BEND2: variants seen among roughly 807,000 people sequenced by gnomAD.
BEND2 encodes the protein BEN domain containing 2, also known as BEN domain-containing protein 2.
In BEND2, 19 loss-of-function variants were observed where a neutral mutation model predicts 43.8. The ratio of observed to expected loss-of-function variants is 0.43; its 90% CI spans 0.30 to 0.64. BEND2 has a LOEUF of 0.64. Among genes scored for constraint, BEND2 ranks in the 30% least tolerant of loss-of-function variants. The pLI, the probability that BEND2 is intolerant of heterozygous loss-of-function variation, is 0.11. For missense variants in BEND2, 544 were observed against 574.0 expected (o/e 0.95, Z 0.53); for synonymous variants, 226 against 210.1 (o/e 1.08, Z -0.66).
At chrX:18,193,471 C>T (rs1206559652) in intron 7 of BEND2, among the ~76,000 whole-genome samples, 1 of 111,632 alleles carries the variant, frequency 9.0e-6, no homozygotes, top group Non-Finnish European at 1.9e-5. Context: ...TGCACACAAA[C>T]AAATTAATAC....
chrX:18,198,245 T>A (rs1343579114), intron 6 of BEND2, among the ~76,000 whole-genome samples: 5 of 110,151 alleles, frequency 4.5e-5, no homozygotes, highest in African/African-American at 1.7e-4. Flanking sequence ...CAAAAGAAAC[T>A]ACCATCAGAG....
chrX:18,192,268 A>G (rs758593811), intron 7 of BEND2, among the ~76,000 whole-genome samples: 2 of 112,247 alleles, frequency 1.8e-5, no homozygotes, highest in East Asian at 5.6e-4. Flanking sequence ...TTCTATTATC[A>G]GGCAAAAGTA....
chrX:18,175,882 A>G, intron 11 of BEND2, 90 bp downstream of exon 11: 1 of 890,529 alleles, frequency 1.1e-6, no homozygotes, highest in East Asian at 3.6e-5. Context: ...ACATGGCCTA[A>G]AGAGACTGTG....
intron 4 of BEND2, 122 bp downstream of exon 4, chrX:18,212,443 A>T: frequency 2.0e-6 from 1 of 502,952 alleles, no homozygotes; most frequent in South Asian, 3.3e-5. Flanking sequence ...CACATTTATC[A>T]AAACTCACTG....
At chrX:18,220,477 C>T (rs1359221116) in intron 1 of BEND2, among the ~76,000 whole-genome samples, 1 of 111,374 alleles carries the variant, frequency 9.0e-6, no homozygotes, top group Non-Finnish European at 1.9e-5. Flanking sequence ...CTCACGTCTC[C>T]GGGACATCTT....
chrX:18,186,415 G>A (rs977623324), intron 8 of BEND2, among the ~76,000 whole-genome samples: 10 of 100,690 alleles, frequency 9.9e-5, no homozygotes, highest in Non-Finnish European at 1.2e-4. Context: ...CCGAGATTGC[G>A]CCATTGCACT....
rs1223436278 is a variant in BEND2, at chrX:18,201,935, G to T, written c.913C>A (p.Pro305Thr). ...SFCFHPNLEMPERPANSSKNS... is the reference protein window; with the variant it reads ...SFCFHPNLEMTERPANSSKNS... Reference sequence around the variant, plus strand: ...TTACTGCTGTTTGCTGGTCTTTCTGGCATTTCTGTAAATAAAAAGTTTTCA... The same window carrying T: ...TTACTGCTGTTTGCTGGTCTTTCTGTCATTTCTGTAAATAAAAAGTTTTCA... Residue 305 changes from proline to threonine, a missense_variant, in exon 6 of 14, where the codon CCA becomes ACA. Coordinates refer to ENST00000380033, the MANE Select transcript of BEND2 (RefSeq NM_153346.5). 8.3e-7 allele frequency: 1 copy of T among 1,203,935 alleles called. No individual in the cohort carries two copies. The highest frequency in any genetic ancestry group is 1.8e-5 in the African/African-American group (1 of 56,727).
rs752432322 is a variant in BEND2 at position 18,213,315 on chromosome X, G to A, written c.376+459C>T. Among the ~76,000 whole-genome samples, 392 of 112,389 alleles carry A rather than the reference G, an allele frequency of 3.5e-3. 3 individuals are homozygous for A. Among genetic ancestry groups the A allele is most frequent in the African/African-American group, 0.011 (356 of 30,980 alleles). ...ACGGAACTAGAAGAAGACATTGGCT[G>A]CAACAGTATTGGATTGTATCTTGTA... On this transcript the variant is annotated intron_variant, in intron 3 of 13. Coordinates refer to ENST00000380033, the MANE Select transcript of BEND2 (RefSeq NM_153346.5).
intron 8 of BEND2, among the ~76,000 whole-genome samples, chrX:18,185,721 A>G (rs1332538660): frequency 4.5e-5 from 5 of 110,218 alleles, no homozygotes; most frequent in African/African-American, 1.6e-4. Context: ...TCCTAAAAGC[A>G]GTAAGAGAAA....
At chrX:18,210,306 C>T (rs926811607) in intron 4 of BEND2, among the ~76,000 whole-genome samples, 6 of 111,581 alleles carry the variant, frequency 5.4e-5, no homozygotes, top group Non-Finnish European at 9.4e-5. Context: ...AATGATACTT[C>T]CACCTTCTTC....
intron 7 of BEND2, 106 bp downstream of exon 7, chrX:18,195,190 T>C (rs976862007): frequency 1.1e-6 from 1 of 943,862 alleles, no homozygotes; most frequent in South Asian, 3.9e-5. Flanking sequence ...ACTACCTCAA[T>C]ATGAAAAGTT....
intron 8 of BEND2, among the ~76,000 whole-genome samples, chrX:18,184,012 A>G (rs191025440): frequency 4.5e-5 from 5 of 111,530 alleles, no homozygotes; most frequent in African/African-American, 1.6e-4. Context: ...CCTTGAGCAA[A>G]CACACGCTGT....
At chrX:18,181,992 T>A (rs924280398) in intron 8 of BEND2, among the ~76,000 whole-genome samples, 5 of 111,957 alleles carry the variant, frequency 4.5e-5, no homozygotes, top group Non-Finnish European at 7.5e-5. Flanking sequence ...TGCCAGGTAG[T>A]GTAAATGAAA....
chrX:18,203,621 A>G lies in BEND2; in HGVS notation c.787T>C (p.Ser263Pro). The part of the protein sequence containing the change: ...ATTAVPMAVL[S>P]RRESSLANNP... ...TTTGCCAGACTGGATTCTCTTCGTG[A>G]CAGAACTGCCATAGGTACTGCTGTA... Residue 263 changes from serine (S) to proline (P), a missense_variant, in exon 5 of 14, where the codon TCA becomes CCA. Around this residue, in one of 2 missense-constraint regions of BEND2, gnomAD observed 501 missense variants for 501.6 expected, o/e 1.00. Transcript: ENST00000380033. 1.7e-6 allele frequency: 2 copies of G among 1,211,257 alleles called. No homozygotes were observed. The highest frequency in any genetic ancestry group is 2.2e-6 in the Non-Finnish European group (2 of 895,038).
chrX:18,207,198 A>G (rs1925364448), intron 4 of BEND2, among the ~76,000 whole-genome samples: 1 of 112,180 alleles, frequency 8.9e-6, no homozygotes, highest in African/African-American at 3.2e-5. Flanking sequence ...CTCCCCCATG[A>G]TCATGATAAA....
chrX:18,178,219 A>C (rs1478091489), intron 9 of BEND2, among the ~76,000 whole-genome samples: 1 of 111,789 alleles, frequency 8.9e-6, no homozygotes, highest in African/African-American at 3.2e-5. Context: ...TCATTAAGAA[A>C]ATTTTCAAAT....
chrX:18,214,422 T>G (rs748569854), intron 2 of BEND2, among the ~76,000 whole-genome samples: 63 of 111,871 alleles, frequency 5.6e-4, no homozygotes, highest in Middle Eastern at 4.6e-3. Context: ...CTCATAACCT[T>G]ATATTTCTTG....
At chrX:18,183,695 G>A (rs376452281) in intron 8 of BEND2, among the ~76,000 whole-genome samples, 56 of 111,980 alleles carry the variant, frequency 5.0e-4, no homozygotes, top group African/African-American at 1.7e-3. Context: ...AGCATTCACC[G>A]TAAGCTGAGT....
At chrX:18,212,010 C>T (rs758048521) in intron 4 of BEND2, among the ~76,000 whole-genome samples, 2 of 109,414 alleles carry the variant, frequency 1.8e-5, no homozygotes, top group African/African-American at 6.6e-5. Context: ...AAATATATTT[C>T]CCCCAAAGTT....
Sources: gnomAD v4.1 joint callset for allele counts (sites outside exome capture counted in the v4.1 genomes callset) on GRCh38, gnomAD v4.1.1 for gene constraint, gnomAD v4.1.1 regional missense constraint, MANE v1.5 for transcripts, NCBI Gene and HGNC (gene_info 2026-07-23, HGNC 2026-07-21) for gene names.